Variants in SAMD5 observed in about 807,000 individuals in gnomAD.
SAMD5 encodes the protein sterile alpha motif domain-containing protein 5.
A neutral mutation model predicts 11.3 loss-of-function variants in SAMD5; 13 were observed. That is an observed-to-expected ratio of 1.15 (90% CI 0.75 to 1.83). The LOEUF (loss-of-function observed/expected upper bound fraction) is 1.83, where lower values mean the gene tolerates loss of function less well. Among genes scored for constraint, SAMD5 ranks in the 40% most tolerant of loss-of-function variants. SAMD5 has a pLI of 0.00. For synonymous variants in SAMD5, 129 were observed against 111.3 expected (o/e 1.16, Z -1.00); for missense variants, 255 against 239.1 (o/e 1.07, Z -0.44).
At chr6:147,543,648 A>G (rs1308916325) in intron 1 of SAMD5, among the ~76,000 whole-genome samples, 1 of 152,228 alleles carries the variant, frequency 6.6e-6, no homozygotes, top group African/African-American at 2.4e-5. Context: ...ACTCTAAGAT[A>G]TGGTCTCTAA....
At chr6:147,701,659 A>AG (rs1324373115) in intron 1 of SAMD5, among the ~76,000 whole-genome samples, 2 of 151,748 alleles carry the variant, frequency 1.3e-5, no homozygotes, top group East Asian at 3.9e-4. Flanking sequence ...TCTCAAAAAA[A>AG]AAAAAAAAAT....
chr6:147,569,411 T>G lies in SAMD5; in HGVS notation c.*4955T>G. On this transcript the variant is annotated 3_prime_UTR_variant, in exon 2 of 2. Coordinates refer to ENST00000367474, the MANE Select transcript of SAMD5 (RefSeq NM_001030060.3). ...CCATGTTAAGAGCTAAGTAGTATTT[T>G]TTTCTTAACAATTTTGCCAAAATTT... 1 of 963,310 alleles carries G rather than the reference T, an allele frequency of 1.0e-6. No homozygotes were observed. Among genetic ancestry groups the G allele is most frequent in the Non-Finnish European group, 1.2e-6 (1 of 809,848 alleles). The allele number at this position is 963,310 out of a possible 1,614,324, so 59.7% of individuals were successfully genotyped here. A position where few individuals can be genotyped will look rare whatever the true frequency, so the allele number is the denominator to read the frequency against.
chr6:147,712,041 G>A lies in SAMD5; in HGVS notation c.163-25276G>A, dbSNP rs181382351. 2.1e-3 allele frequency among the ~76,000 whole-genome samples: 326 copies of A among 152,270 alleles called. 2 individuals carry two copies. Among genetic ancestry groups the A allele is most frequent in the African/African-American group, 6.9e-3 (285 of 41,558 alleles). Reference sequence around the variant, plus strand: ...GAAATTTTTGAAGAAAATGTCTCTCGTCTGATCAGTTAGAGATTGGAAACT... The same window carrying A: ...GAAATTTTTGAAGAAAATGTCTCTCATCTGATCAGTTAGAGATTGGAAACT... On this transcript the variant is annotated intron_variant, in intron 1 of 1. Coordinates refer to the SAMD5 transcript ENST00000566741.
the SAMD5 span, among the ~76,000 whole-genome samples, chr6:147,934,493 G>T: frequency 6.6e-6 from 1 of 152,088 alleles, no homozygotes; most frequent in African/African-American, 2.4e-5. Flanking sequence ...CAATGAGAAG[G>T]TGAAACGAAA....
At chr6:147,588,283 C>A (rs1789403090) in intron 1 of SAMD5, among the ~76,000 whole-genome samples, 1 of 147,594 alleles carries the variant, frequency 6.8e-6, no homozygotes, top group Middle Eastern at 3.7e-3. Context: ...TGAATAATAT[C>A]GGCCATTTTT....
chr6:147,937,789 A>C, the SAMD5 span, among the ~76,000 whole-genome samples: 1 of 152,338 alleles, frequency 6.6e-6, no homozygotes, highest in South Asian at 2.1e-4. Flanking sequence ...ATTTAAGAAA[A>C]TTTGATAATG....
At chr6:147,516,059 A>C (rs540852571) in intron 1 of SAMD5, among the ~76,000 whole-genome samples, 418 of 152,312 alleles carry the variant, frequency 2.7e-3, no homozygotes, top group Non-Finnish European at 4.4e-3. Flanking sequence ...GCTGATTCTC[A>C]GGCTCATGCA....
chr6:147,561,185 G>A (rs569472141), intron 1 of SAMD5, among the ~76,000 whole-genome samples: 3 of 151,602 alleles, frequency 2.0e-5, no homozygotes, highest in African/African-American at 7.3e-5. Context: ...TGGCTTTTAT[G>A]AATTTATTTA....
At chr6:147,803,150 T>TGTGC in the SAMD5 span, among the ~76,000 whole-genome samples, 1 of 138,738 alleles carries the variant, frequency 7.2e-6, no homozygotes, top group Non-Finnish European at 1.6e-5. Flanking sequence ...TGTGTGTGTG[T>TGTGC]GTGTGTGTGT....
At chr6:147,801,051 G>T in the SAMD5 span, among the ~76,000 whole-genome samples, 1 of 151,966 alleles carries the variant, frequency 6.6e-6, no homozygotes, top group African/African-American at 2.4e-5. Context: ...AGACATTACT[G>T]GTTTTAATGT....
chr6:147,817,050 C>T, the SAMD5 span, among the ~76,000 whole-genome samples: 2,605 of 152,250 alleles, frequency 0.017, 67 homozygotes, highest in African/African-American at 0.058. Flanking sequence ...TGGTTCATCA[C>T]GAGTTTCCTT....
At chr6:147,915,403 A>G in the SAMD5 span, among the ~76,000 whole-genome samples, 1 of 152,234 alleles carries the variant, frequency 6.6e-6, no homozygotes, top group African/African-American at 2.4e-5. Context: ...CTTATGTCCA[A>G]TTAAAATATT....
At chr6:147,895,515 C>A in the SAMD5 span, among the ~76,000 whole-genome samples, 1 of 152,172 alleles carries the variant, frequency 6.6e-6, no homozygotes, top group Non-Finnish European at 1.5e-5. Flanking sequence ...GGGAGACTGT[C>A]CAAGGCGAGG....
At chr6:147,752,775 T>C in the SAMD5 span, among the ~76,000 whole-genome samples, 1 of 152,192 alleles carries the variant, frequency 6.6e-6, no homozygotes, top group Non-Finnish European at 1.5e-5. Flanking sequence ...GGTGGCTCAG[T>C]TAAGGCAGGA....
At chr6:147,549,149 C>T (rs1454181614) in intron 1 of SAMD5, among the ~76,000 whole-genome samples, 1 of 152,180 alleles carries the variant, frequency 6.6e-6, no homozygotes, top group African/African-American at 2.4e-5. Context: ...ACTGTGAGGT[C>T]ATTTGTTACT....
the SAMD5 span, among the ~76,000 whole-genome samples, chr6:147,793,068 A>G: frequency 2.0e-5 from 3 of 152,180 alleles, no homozygotes; most frequent in East Asian, 5.8e-4. Context: ...CCTTCCAAAA[A>G]GTGCAGTATG....
intron 1 of SAMD5, among the ~76,000 whole-genome samples, chr6:147,580,227 AC>A (rs1789277011): frequency 6.6e-6 from 1 of 152,210 alleles, no homozygotes; most frequent in Non-Finnish European, 1.5e-5. Flanking sequence ...CAGTAGTGTA[AC>A]CTGAGAAAGA....
chr6:147,669,113 T>C (rs1790761039), intron 1 of SAMD5, among the ~76,000 whole-genome samples: 1 of 152,162 alleles, frequency 6.6e-6, no homozygotes, highest in South Asian at 2.1e-4. Flanking sequence ...GCCACATCAA[T>C]GGACTCTTCC....
At chr6:147,510,912 T>A (rs1237057307) in intron 1 of SAMD5, among the ~76,000 whole-genome samples, 2 of 152,194 alleles carry the variant, frequency 1.3e-5, no homozygotes, top group Non-Finnish European at 2.9e-5. Context: ...GAGTTCCATG[T>A]ATGTCTGGTG....
Sources: gnomAD v4.1 joint callset for allele counts (sites outside exome capture counted in the v4.1 genomes callset) on GRCh38, gnomAD v4.1.1 for gene constraint, MANE v1.5 for transcripts, NCBI Gene and HGNC (gene_info 2026-07-23, HGNC 2026-07-21) for gene names.